DLGAP1: variants seen among roughly 807,000 people sequenced by gnomAD.
DLGAP1 encodes the protein disks large-associated protein 1.
DLGAP1 carries 11 observed loss-of-function variants against 90.8 expected under a neutral mutation model. That is an observed-to-expected ratio of 0.12 (90% CI 0.08 to 0.20). DLGAP1 has a LOEUF of 0.20. Among genes scored for constraint, DLGAP1 ranks in the 10% least tolerant of loss-of-function variants. DLGAP1 has a pLI of 1.00. For synonymous variants in DLGAP1, 558 were observed against 540.7 expected (o/e 1.03, Z -0.44); for missense variants, 1,050 against 1,333.8 (o/e 0.79, Z 3.31).
At chr18:4,211,791 T>A (rs773047881) in intron 1 of DLGAP1, among the ~76,000 whole-genome samples, 3 of 152,156 alleles carry the variant, frequency 2.0e-5, no homozygotes, top group Non-Finnish European at 2.9e-5. Flanking sequence ...TACAGGCAAG[T>A]GACAGGTGCT....
At chr18:4,400,987 C>G (rs932681618) in intron 1 of DLGAP1, among the ~76,000 whole-genome samples, 3 of 152,218 alleles carry the variant, frequency 2.0e-5, no homozygotes, top group Admixed American at 6.5e-5. Context: ...CACAAGTCAA[C>G]TCTTCTCTTC....
At chr18:3,851,058 A>G (rs2069309747) in intron 4 of DLGAP1, among the ~76,000 whole-genome samples, 1 of 152,214 alleles carries the variant, frequency 6.6e-6, no homozygotes, top group African/African-American at 2.4e-5. Flanking sequence ...CAGAAAATCC[A>G]CAGACTCCAA....
intron 9 of DLGAP1, among the ~76,000 whole-genome samples, chr18:3,564,567 C>A (rs776162611): frequency 4.6e-5 from 7 of 152,168 alleles, no homozygotes; most frequent in Non-Finnish European, 1.0e-4. Flanking sequence ...TCTGGAAGCA[C>A]AAGGAGATTT....
intron 1 of DLGAP1, among the ~76,000 whole-genome samples, chr18:4,451,908 A>G (rs1266567423): frequency 6.6e-6 from 1 of 152,206 alleles, no homozygotes; most frequent in African/African-American, 2.4e-5. Context: ...TATAACTATG[A>G]GAAGTGAGGA....
In DLGAP1 at chr18:3,565,695, C is replaced by T. The variant is rs1365469545; in HGVS notation, c.2057+1795G>A. On this transcript the variant is annotated intron_variant, in intron 9 of 12. Transcript: ENST00000315677. The surrounding 1 kb of genome is among the most constrained non-coding windows in gnomAD (Gnocchi z 4.0). ...CTTAAAAATACAAAAATTAGCTGGGCGTGATGGTCCGTGCCTGTAGTCCCA... is the reference window on the plus strand; with the variant it reads ...CTTAAAAATACAAAAATTAGCTGGGTGTGATGGTCCGTGCCTGTAGTCCCA... 6.6e-6 allele frequency among the ~76,000 whole-genome samples: 1 copy of T among 151,700 alleles called. No individual in the cohort carries two copies. Among genetic ancestry groups the T allele is most frequent in the African/African-American group, 2.4e-5 (1 of 41,298 alleles).
chr18:3,853,912 T>C (rs1399621294), intron 4 of DLGAP1, among the ~76,000 whole-genome samples: 1 of 152,190 alleles, frequency 6.6e-6, no homozygotes. Context: ...TTTCTGTTAG[T>C]GTTTATATTG....
chr18:4,195,809 T>C (rs2077487125), intron 1 of DLGAP1, among the ~76,000 whole-genome samples: 1 of 152,306 alleles, frequency 6.6e-6, no homozygotes, highest in African/African-American at 2.4e-5. Flanking sequence ...CACCTTGGCC[T>C]CCCAAAGTGC....
intron 1 of DLGAP1, among the ~76,000 whole-genome samples, chr18:4,335,718 T>C (rs2143785768): frequency 6.6e-6 from 1 of 152,342 alleles, no homozygotes; most frequent in South Asian, 2.1e-4. Flanking sequence ...TAAAATTACA[T>C]ATGTCCTGTT....
Position 4,366,493 on chromosome 18 carries a change from A to C in DLGAP1, c.-267+88513T>G, listed in dbSNP as rs77055113. Among the ~76,000 whole-genome samples, 619 of 152,222 alleles carry C rather than the reference A, an allele frequency of 4.1e-3. 8 individuals are homozygous for C. The highest frequency in any genetic ancestry group is 0.014 in the African/African-American group (599 of 41,546). On this transcript the variant is annotated intron_variant, in intron 1 of 12. Coordinates refer to ENST00000315677, the MANE Select transcript of DLGAP1 (RefSeq NM_004746.4). ...TAGGGAGTGAAAAATCTTAGACACT[A>C]TCATGATCTGTGGCCTTCCTAGGGC...
intron 1 of DLGAP1, among the ~76,000 whole-genome samples, chr18:4,437,213 G>A (rs2083421363): frequency 2.0e-5 from 3 of 152,138 alleles, no homozygotes; most frequent in African/African-American, 7.2e-5. Flanking sequence ...TGCAACTTTA[G>A]AGATAAGAAA....
At chr18:3,732,482 A>C (rs975681151) in intron 6 of DLGAP1, among the ~76,000 whole-genome samples, 12 of 152,230 alleles carry the variant, frequency 7.9e-5, no homozygotes, top group Admixed American at 7.9e-4. Context: ...GGTAGGATAA[A>C]TGCTTGATTT....
intron 7 of DLGAP1, among the ~76,000 whole-genome samples, chr18:3,599,658 T>C (rs1819503875): frequency 6.6e-6 from 1 of 152,310 alleles, no homozygotes; most frequent in East Asian, 1.9e-4. Context: ...TCTCACTCTG[T>C]TGTCAGGCTA....
At chr18:3,746,731 G>T (rs1037514824) in intron 5 of DLGAP1, among the ~76,000 whole-genome samples, 1 of 152,028 alleles carries the variant, frequency 6.6e-6, no homozygotes, top group Non-Finnish European at 1.5e-5. Flanking sequence ...CAAAATGCTC[G>T]ATCTCACTAG....
At chr18:3,539,693 T>C (rs1765789603) in intron 9 of DLGAP1, among the ~76,000 whole-genome samples, 1 of 152,236 alleles carries the variant, frequency 6.6e-6, no homozygotes, top group Non-Finnish European at 1.5e-5. Flanking sequence ...TGTCCCCCTG[T>C]CTGATAGAGT....
At chr18:3,767,756 A>G (rs574264969) in intron 5 of DLGAP1, among the ~76,000 whole-genome samples, 11 of 152,288 alleles carry the variant, frequency 7.2e-5, no homozygotes, top group African/African-American at 2.6e-4. Context: ...AAAAATAGAA[A>G]TAAGAGCGAA....
intron 4 of DLGAP1, among the ~76,000 whole-genome samples, chr18:3,833,389 A>G (rs2068177077): frequency 6.6e-6 from 1 of 151,736 alleles, no homozygotes; most frequent in Non-Finnish European, 1.5e-5. Context: ...ACATGCCACC[A>G]CGCCCAGTTA....
At chr18:3,634,352 T>C (rs1327575767) in intron 7 of DLGAP1, among the ~76,000 whole-genome samples, 2 of 152,192 alleles carry the variant, frequency 1.3e-5, no homozygotes, top group Non-Finnish European at 2.9e-5. Context: ...GACTTTGTAT[T>C]TATTGCTATT....
rs560908950 is a variant in DLGAP1 at position 3,704,155 on chromosome 18, C to T, written c.1591+24980G>A. On this transcript the variant is annotated intron_variant, in intron 7 of 12. Transcript: ENST00000315677. ...CCCCTAGGAGGATGCTCTGCGGGGCCCACGGGAAGGGCTGAGTGCCACATG... is the reference window on the plus strand; with the variant it reads ...CCCCTAGGAGGATGCTCTGCGGGGCTCACGGGAAGGGCTGAGTGCCACATG... Among the ~76,000 whole-genome samples, 42 of 152,334 alleles carry T rather than the reference C, an allele frequency of 2.8e-4. 1 individual carries two copies. Among genetic ancestry groups the T allele is most frequent in the South Asian group, 1.5e-3 (7 of 4,826 alleles).
intron 5 of DLGAP1, among the ~76,000 whole-genome samples, chr18:3,750,879 C>T (rs1242795341): frequency 6.6e-6 from 1 of 152,186 alleles, no homozygotes; most frequent in African/African-American, 2.4e-5. Context: ...TTTAGCAGGT[C>T]ACTGGGTGTT....
Sources: gnomAD v4.1 joint callset for allele counts (sites outside exome capture counted in the v4.1 genomes callset) on GRCh38, gnomAD v4.1.1 for gene constraint, Gnocchi (gnomAD v3.1) non-coding constraint, MANE v1.5 for transcripts, NCBI Gene and HGNC (gene_info 2026-07-23, HGNC 2026-07-21) for gene names.